The following GATM variants were observed in gnomAD, a reference collection of about 807,000 sequenced individuals.
The protein encoded by GATM is glycine amidinotransferase, mitochondrial.
A neutral mutation model predicts 54.2 loss-of-function variants in GATM; 23 were observed. The ratio of observed to expected loss-of-function variants is 0.42; its 90% CI spans 0.31 to 0.60. The LOEUF (loss-of-function observed/expected upper bound fraction) is 0.60, where lower values mean the gene tolerates loss of function less well. Ranked by LOEUF, GATM falls within the 20% of genes least tolerant of loss-of-function variation. The pLI is 0.14. For synonymous variants in GATM, 168 were observed against 183.1 expected, an observed-to-expected ratio of 0.92 and a Z score of 0.67; for missense variants, 401 against 544.9, an observed-to-expected ratio of 0.74 and a Z score of 2.63.
At chr15:45,394,269 G>A (rs76051711) in intron 3 of GATM, among the ~76,000 whole-genome samples, 3,210 of 152,218 alleles carry the variant, frequency 0.021, 147 homozygotes, top group African/African-American at 0.075. Flanking sequence ...TAGGTTGTGC[G>A]TTCCTTATGA....
chr15:45,363,623 C>T, intron 8 of GATM: 2 of 528,928 alleles, frequency 3.8e-6, no homozygotes, highest in Non-Finnish European at 3.3e-6. Context: ...GGGTGGTTTT[C>T]TGCACATGGG....
chr15:45,371,488 G>A (rs1889543613), intron 2 of GATM, among the ~76,000 whole-genome samples: 1 of 152,204 alleles, frequency 6.6e-6, no homozygotes, highest in Admixed American at 6.5e-5. Context: ...ATAAGTACTA[G>A]AAAGGTGTAA....
chr15:45,388,725 G>A (rs1022373334), intron 3 of GATM, among the ~76,000 whole-genome samples: 3 of 152,190 alleles, frequency 2.0e-5, no homozygotes, highest in East Asian at 1.9e-4. Flanking sequence ...TCATCGTATC[G>A]TATCAGGTAG....
At chr15:45,372,620 A>G (rs1488938961) in intron 2 of GATM, among the ~76,000 whole-genome samples, 2 of 152,218 alleles carry the variant, frequency 1.3e-5, no homozygotes, top group Non-Finnish European at 2.9e-5. Flanking sequence ...GCCTTTGAAA[A>G]TTTAACACTG....
At position 45,386,718 on chromosome 15, in the gene GATM, C is replaced by T. The variant is rs564277127; in HGVS notation, c.-318-9899G>A. On this transcript the variant is annotated intron_variant, in intron 3 of 4. Coordinates refer to the GATM transcript ENST00000561148. ...ATCATTCCCAGCAAAAGGCACTTCT[C>T]TAGCTGGGCCCTGGGAATTGAAGAA... Among the ~76,000 whole-genome samples the T allele has an allele frequency of 2.2e-4, 34 of 152,336 alleles. No individual in the cohort carries two copies. The South Asian group carries it at 6.8e-3, about 31-fold the overall frequency.
intron 3 of GATM, among the ~76,000 whole-genome samples, chr15:45,388,266 T>G (rs1889827770): frequency 6.6e-6 from 1 of 152,206 alleles, no homozygotes; most frequent in Non-Finnish European, 1.5e-5. Flanking sequence ...GTGGGAAATT[T>G]TGTTTTCTAT....
rs1193533349 is a variant in GATM, at chr15:45,376,812, C to T, written c.77G>A (p.Arg26Gln). 6.2e-7 allele frequency: 1 copy of T among 1,613,630 alleles called. No homozygotes were observed. The highest frequency in any genetic ancestry group is 2.2e-5 in the East Asian group (1 of 44,872). The change falls in exon 2 of 9, where the codon CGA becomes CAA. Residue 26 changes from arginine (R) to glutamine (Q), a missense_variant. Transcript: ENST00000396659. ...AVHYIGSRLG[R>Q]TLTGWVQRTF... ...TCGCTGCACCCATCCTGTCAAGGTTCGTCCAAGCTTCCAAGAACAAAGAAA... is the reference window on the plus strand; with the variant it reads ...TCGCTGCACCCATCCTGTCAAGGTTTGTCCAAGCTTCCAAGAACAAAGAAA...
At chr15:45,387,820 T>A (rs1889820287) in intron 3 of GATM, among the ~76,000 whole-genome samples, 1 of 152,214 alleles carries the variant, frequency 6.6e-6, no homozygotes, top group South Asian at 2.1e-4. Context: ...GGCCCAAGGC[T>A]AAATGATTCA....
intron 4 of GATM, 61 bp from the exon 5 acceptor site, chr15:45,366,569 G>T: frequency 6.3e-7 from 1 of 1,578,938 alleles, no homozygotes; most frequent in Non-Finnish European, 8.7e-7. Flanking sequence ...TATTCATAAG[G>T]CATACAGTAC....
chr15:45,400,757 A>G (rs1889991722), intron 1 of GATM, among the ~76,000 whole-genome samples: 1 of 152,178 alleles, frequency 6.6e-6, no homozygotes, highest in Non-Finnish European at 1.5e-5. Flanking sequence ...TCTGCACTGT[A>G]AATATAAGTA....
chr15:45,364,343 G>A, intron 7 of GATM: 1 of 343,460 alleles, frequency 2.9e-6, no homozygotes, highest in Non-Finnish European at 5.4e-6. Flanking sequence ...GCCTCACTGG[G>A]GAACACAGCA....
At chr15:45,397,702 G>C (rs1031577627) in intron 2 of GATM, among the ~76,000 whole-genome samples, 7 of 152,166 alleles carry the variant, frequency 4.6e-5, no homozygotes, top group Admixed American at 2.0e-4. Context: ...ACCTAAGAAG[G>C]GGGTCATGGG....
chr15:45,362,017 C>T lies in GATM; in HGVS notation c.*92G>A. The T allele has an allele frequency of 3.8e-6, 3 of 784,908 alleles. No homozygotes were observed. The highest frequency in any genetic ancestry group is 2.6e-5 in the East Asian group (1 of 39,086). 48.6% of individuals were successfully genotyped at this position (784,908 alleles called of 1,614,324 possible). On this transcript the variant is annotated 3_prime_UTR_variant, in exon 9 of 9. Transcript: ENST00000396659. ...AAGGAGATGATTGTTTAAAGCACTA[C>T]AGTTCATGCACTTTTTAAAGCAGGA...
chr15:45,381,984 C>T (rs767152558), upstream of GATM, among the ~76,000 whole-genome samples: 3 of 152,194 alleles, frequency 2.0e-5, no homozygotes, highest in Non-Finnish European at 2.9e-5. Context: ...AGATTTTCCA[C>T]TGTAAGCCTT....
intron 2 of GATM, 98 bp downstream of exon 2, chr15:45,376,503 A>G: frequency 1.0e-6 from 1 of 955,896 alleles, no homozygotes; most frequent in Non-Finnish European, 1.7e-6. Flanking sequence ...CACTGGATTG[A>G]GAGGTCTGGG....
At chr15:45,374,969 G>C (rs935782379) in intron 2 of GATM, among the ~76,000 whole-genome samples, 1 of 152,142 alleles carries the variant, frequency 6.6e-6, no homozygotes, top group Non-Finnish European at 1.5e-5. Context: ...GTGGAAAGTG[G>C]TCCCTTAGAT....
At chr15:45,375,513 G>C (rs1365508723) in intron 2 of GATM, among the ~76,000 whole-genome samples, 1 of 152,190 alleles carries the variant, frequency 6.6e-6, no homozygotes, top group Non-Finnish European at 1.5e-5. Flanking sequence ...AAGAGACTTA[G>C]GTAGGGGCAA....
intron 1 of GATM, 172 bp from the exon 2 acceptor site, chr15:45,376,991 AT>A (rs771467135): frequency 1.7e-5 from 11 of 663,156 alleles, no homozygotes; most frequent in Non-Finnish European, 2.4e-5. Flanking sequence ...ATTACAGATA[AT>A]TTTTTTAACC....
At chr15:45,370,246 C>T (rs1197976858) in intron 2 of GATM, among the ~76,000 whole-genome samples, 7 of 151,914 alleles carry the variant, frequency 4.6e-5, no homozygotes, top group South Asian at 2.1e-4. Flanking sequence ...CATGGTGGCA[C>T]GTGCCTGTAG....
Sources: gnomAD v4.1 joint callset for allele counts (sites outside exome capture counted in the v4.1 genomes callset) on GRCh38, gnomAD v4.1.1 for gene constraint, MANE v1.5 for transcripts, NCBI Gene and HGNC (gene_info 2026-07-23, HGNC 2026-07-21) for gene names.